Variants in BTG4 observed in about 807,000 individuals in gnomAD.
BTG4 encodes the protein protein BTG4.
BTG4 carries 10 observed loss-of-function variants against 19.3 expected under a neutral mutation model. The ratio of observed to expected loss-of-function variants is 0.52; its 90% CI spans 0.32 to 0.88. The LOEUF is 0.88. Ranked by LOEUF, BTG4 falls within the 40% of genes least tolerant of loss-of-function variation. BTG4 has a pLI of 0.04. For missense variants in BTG4, 238 were observed against 281.9 expected (o/e 0.84, Z 1.11); for synonymous variants, 91 against 95.7 (o/e 0.95, Z 0.29).
chr11:111,486,479 T>C (rs1466848598), intron 5 of BTG4, among the ~76,000 whole-genome samples: 1 of 152,110 alleles, frequency 6.6e-6, no homozygotes, highest in Non-Finnish European at 1.5e-5. Flanking sequence ...ATTCATACTA[T>C]TCTAAAAAAT....
chr11:111,442,874 CA>C, the BTG4 span, among the ~76,000 whole-genome samples: 5 of 152,182 alleles, frequency 3.3e-5, no homozygotes, highest in African/African-American at 7.2e-5. Context: ...ACGTTAATTT[CA>C]AATAACTTAA....
downstream of BTG4, among the ~76,000 whole-genome samples, chr11:111,493,704 A>C (rs1865553418): frequency 6.6e-6 from 1 of 152,212 alleles, no homozygotes; most frequent in Non-Finnish European, 1.5e-5. Flanking sequence ...AAGCTCTTCA[A>C]GAGAGGACAA....
chr11:111,430,912 T>C, the BTG4 span, among the ~76,000 whole-genome samples: 10 of 152,202 alleles, frequency 6.6e-5, no homozygotes, highest in Non-Finnish European at 1.3e-4. Context: ...GGAGCTAATA[T>C]TGCCTCTAAT....
intron 1 of BTG4, among the ~76,000 whole-genome samples, chr11:111,509,264 T>A (rs750082898): frequency 6.6e-5 from 10 of 152,208 alleles, no homozygotes; most frequent in Non-Finnish European, 1.5e-4. Context: ...CTGAATTGAC[T>A]TCAATTTAGT....
At chr11:111,455,651 A>G in the BTG4 span, 1 of 369,198 alleles carries the variant, frequency 2.7e-6, no homozygotes, top group South Asian at 2.0e-5. Flanking sequence ...GATCAGACTT[A>G]GGGAGACATG....
chr11:111,444,759 AT>A, the BTG4 span, among the ~76,000 whole-genome samples: 1 of 152,102 alleles, frequency 6.6e-6, no homozygotes, highest in Non-Finnish European at 1.5e-5. Flanking sequence ...ATCAAATGAG[AT>A]TTTTTTCAGA....
At chr11:111,511,117 C>T (rs1866872644) in intron 1 of BTG4, among the ~76,000 whole-genome samples, 1 of 152,192 alleles carries the variant, frequency 6.6e-6, no homozygotes, top group African/African-American at 2.4e-5. Flanking sequence ...AAACACCGTG[C>T]CCCTCACAAA....
chr11:111,489,837 A>G (rs1409225619), downstream of BTG4, among the ~76,000 whole-genome samples: 1 of 152,134 alleles, frequency 6.6e-6, no homozygotes, highest in Non-Finnish European at 1.5e-5. Flanking sequence ...GTTGGTTACT[A>G]GAAGCCGGGA....
At chr11:111,468,149 A>G (rs1863828912) in intron 5 of BTG4, among the ~76,000 whole-genome samples, 1 of 152,232 alleles carries the variant, frequency 6.6e-6, no homozygotes, top group African/African-American at 2.4e-5. Flanking sequence ...AAAGGTTTAT[A>G]CTTGACTAGT....
chr11:111,396,940 A>C, the BTG4 span: 3 of 152,238 alleles, frequency 2.0e-5, no homozygotes, highest in African/African-American at 4.8e-5. Flanking sequence ...CAATTAGTAT[A>C]GGTTGATTTA....
the BTG4 span, among the ~76,000 whole-genome samples, chr11:111,421,547 T>C: frequency 1.3e-5 from 2 of 152,192 alleles, no homozygotes; most frequent in Non-Finnish European, 2.9e-5. Context: ...CTTAGAGGCA[T>C]AGACCTGCCC....
intron 5 of BTG4, among the ~76,000 whole-genome samples, chr11:111,483,839 T>C (rs996122512): frequency 2.6e-5 from 4 of 151,940 alleles, no homozygotes; most frequent in Non-Finnish European, 4.4e-5. Flanking sequence ...GACAGAAATT[T>C]CCAAGCCTGG....
the BTG4 span, chr11:111,455,231 C>G: frequency 2.8e-6 from 1 of 357,402 alleles, no homozygotes; most frequent in Non-Finnish European, 5.6e-6. Flanking sequence ...ACAGTTCCCA[C>G]CATCTCTGGG....
At chr11:111,514,643 CG>C, upstream of BTG4, 2 of 648,706 alleles carry the variant, frequency 3.1e-6, no homozygotes, top group Non-Finnish European at 5.3e-6. Context: ...GGCCCCCACG[CG>C]CGTGGCGGAT....
the BTG4 span, among the ~76,000 whole-genome samples, chr11:111,398,805 A>G: frequency 6.6e-6 from 1 of 151,230 alleles, no homozygotes; most frequent in Non-Finnish European, 1.5e-5. Flanking sequence ...TTTTAACATT[A>G]TAGAGTTTGA....
the BTG4 span, chr11:111,459,647 G>A: frequency 1.3e-5 from 2 of 152,686 alleles, no homozygotes; most frequent in Admixed American, 6.5e-5. Flanking sequence ...CTGGGACAGA[G>A]CTGTGGGCCC....
chr11:111,513,372 A>G, upstream of BTG4: 1 of 532,822 alleles, frequency 1.9e-6, no homozygotes, highest in Non-Finnish European at 3.9e-6. Context: ...GCTCCAACTC[A>G]ACCAATGAAT....
the BTG4 span, among the ~76,000 whole-genome samples, chr11:111,444,866 G>A: frequency 1.8e-4 from 28 of 152,182 alleles, no homozygotes; most frequent in African/African-American, 5.6e-4. Context: ...AAAAGCTGGC[G>A]TGGGGGATTC....
At chr11:111,455,728 CA>C in the BTG4 span, 1 of 430,664 alleles carries the variant, frequency 2.3e-6, no homozygotes, top group Non-Finnish European at 4.8e-6. Context: ...GTCCTTTTCC[CA>C]CCCCTGATTG....
Sources: allele counts gnomAD v4.1 joint callset (sites outside exome capture counted in the v4.1 genomes callset), GRCh38; gene constraint gnomAD v4.1.1; transcripts MANE v1.5; gene names NCBI Gene and HGNC (gene_info 2026-07-23, HGNC 2026-07-21).